Variants in ITGA2 observed in about 807,000 individuals in gnomAD.
ITGA2 encodes integrin alpha-2.
Under a neutral mutation model 146.3 loss-of-function variants are expected in ITGA2, and 101 were observed. The observed-to-expected ratio is 0.69, with a 90% confidence interval of 0.59 to 0.81. ITGA2 has a LOEUF of 0.81. Among genes scored for constraint, ITGA2 ranks in the 40% least tolerant of loss-of-function variants. The pLI is 0.00. For missense variants in ITGA2, 1,281 were observed against 1,402.7 expected (o/e 0.91, Z 1.39); for synonymous variants, 477 against 487.1 (o/e 0.98, Z 0.27).
chr5:53,048,173 G>A (rs1223630331), intron 4 of ITGA2, among the ~76,000 whole-genome samples, 190 bp from the exon 5 acceptor site: 1 of 152,166 alleles, frequency 6.6e-6, no homozygotes, highest in Non-Finnish European at 1.5e-5. Flanking sequence ...TTGCCACTGG[G>A]CACAGAGCAC....
chr5:53,070,009 G>T, intron 16 of ITGA2, 100 bp from the exon 17 acceptor site: 1 of 924,262 alleles, frequency 1.1e-6, no homozygotes, highest in Non-Finnish European at 1.7e-6. Context: ...ATATTTTCTT[G>T]ATGTGAGATA....
intron 1 of ITGA2, among the ~76,000 whole-genome samples, chr5:53,011,903 A>G (rs1742151561): frequency 6.6e-6 from 1 of 152,190 alleles, no homozygotes; most frequent in Non-Finnish European, 1.5e-5. Context: ...ACAAAGTGGA[A>G]GAATTTGCCA....
intron 16 of ITGA2, among the ~76,000 whole-genome samples, chr5:53,067,586 G>A (rs1026144932): frequency 6.6e-6 from 1 of 151,804 alleles, no homozygotes; most frequent in Non-Finnish European, 1.5e-5. Context: ...ATGCTGAACT[G>A]CCACTCAAAT....
intron 1 of ITGA2, among the ~76,000 whole-genome samples, chr5:53,009,946 C>T (rs1314568136): frequency 6.6e-6 from 1 of 152,150 alleles, no homozygotes; most frequent in African/African-American, 2.4e-5. Context: ...TTGTTGGCCA[C>T]CCAGTCTATG....
At chr5:53,046,866 C>G (rs926196661) in intron 4 of ITGA2, among the ~76,000 whole-genome samples, 11 of 152,014 alleles carry the variant, frequency 7.2e-5, no homozygotes, top group Non-Finnish European at 1.5e-4. Flanking sequence ...CTGGCACTTA[C>G]AATTGGCATA....
chr5:53,073,990 A>G (rs1446977178), intron 20 of ITGA2, among the ~76,000 whole-genome samples: 1 of 151,476 alleles, frequency 6.6e-6, no homozygotes, highest in African/African-American at 2.4e-5. Context: ...TAAAATACAG[A>G]CAAACACCAA....
intron 1 of ITGA2, among the ~76,000 whole-genome samples, chr5:52,995,198 G>A (rs1356225681): frequency 6.6e-6 from 1 of 152,194 alleles, no homozygotes; most frequent in African/African-American, 2.4e-5. Context: ...GAAGGGCCTT[G>A]TAAGTCATGA....
chr5:53,072,574 C>T, intron 18 of ITGA2, 39 bp from the exon 19 acceptor site: 1 of 1,511,678 alleles, frequency 6.6e-7, no homozygotes. Context: ...CTTTTTCAAC[C>T]CAAGAGCAAA....
chr5:53,030,417 C>A (rs1743169720), intron 2 of ITGA2, among the ~76,000 whole-genome samples: 1 of 152,158 alleles, frequency 6.6e-6, no homozygotes, highest in Non-Finnish European at 1.5e-5. Context: ...CAGTATAGAG[C>A]TTTCTGGCAA....
At chr5:53,008,729 GATTT>G (rs1741977777) in intron 1 of ITGA2, among the ~76,000 whole-genome samples, 1 of 152,014 alleles carries the variant, frequency 6.6e-6, no homozygotes, top group African/African-American at 2.4e-5. Context: ...GCCCTCTCAA[GATTT>G]CCGTGAACTC....
In ITGA2 at chr5:53,061,253, G is replaced by A. The variant is rs147538939; in HGVS notation, c.1458+207G>A. Reference sequence around the variant, plus strand: ...CTTTTGACAACTTACTGGGAATTTAGCTAGCTTTCTAAGGTCACACAGCGT... The same window carrying A: ...CTTTTGACAACTTACTGGGAATTTAACTAGCTTTCTAAGGTCACACAGCGT... On this transcript the variant is annotated intron_variant, in intron 12 of 29. Transcript: ENST00000296585. 2.0e-5 allele frequency among the ~76,000 whole-genome samples: 3 copies of A among 151,946 alleles called. 1 individual carries two copies. Among genetic ancestry groups the A allele is most frequent in the Non-Finnish European group, 4.4e-5 (3 of 67,872 alleles).
At chr5:53,086,479 ACCTTTTAAATGTTGGTTTT>A (rs1746162683) in intron 27 of ITGA2, among the ~76,000 whole-genome samples, 1 of 152,186 alleles carries the variant, frequency 6.6e-6, no homozygotes. Flanking sequence ...AAGTTCTCTT[ACCTTTTAAATGTTGGTTTT>A]CCATTCCATT....
At chr5:53,021,218 G>T (rs1579809304) in intron 1 of ITGA2, among the ~76,000 whole-genome samples, 1 of 151,718 alleles carries the variant, frequency 6.6e-6, no homozygotes, top group African/African-American at 2.4e-5. Context: ...GCTACCATTT[G>T]CATATTCACG....
chr5:52,995,209 T>A (rs1240408979), intron 1 of ITGA2, among the ~76,000 whole-genome samples: 1 of 152,150 alleles, frequency 6.6e-6, no homozygotes, highest in Non-Finnish European at 1.5e-5. Context: ...TAAGTCATGA[T>A]ATAGAGCAGG....
Position 53,074,405 on chromosome 5 carries a change from A to G in ITGA2, c.2592A>G (p.Thr864=). ...FSLPVDGTEV[T]CQVAASQKSV... ...TTCAGGTTGATGGGACAGAAGTAAC[A>G]TGCCAGGTGGCTGCATCTCAGAAGT... The change falls in exon 21 of 30, where the codon ACA becomes ACG. Residue 864 remains threonine, a synonymous_variant. Transcript: ENST00000296585. 1 of 1,612,418 alleles carries G rather than the reference A, an allele frequency of 6.2e-7. No individual in the cohort carries two copies. Among genetic ancestry groups the G allele is most frequent in the Non-Finnish European group, 8.5e-7 (1 of 1,178,940 alleles).
At position 53,048,688 on chromosome 5, in the gene ITGA2, A is replaced by G. The variant is rs1375522063; in HGVS notation, c.548A>G (p.Asn183Ser). Reference sequence around the variant, plus strand: ...GTTGTGGTTGTGTGTGATGAATCAAATAGTATTTATCCTTGGGATGCAGTA... The same window carrying G: ...GTTGTGGTTGTGTGTGATGAATCAAGTAGTATTTATCCTTGGGATGCAGTA... ...IDVVVVCDES[N>S]SIYPWDAVKN... Residue 183 changes from asparagine to serine, a missense_variant, in exon 6 of 30, where the codon AAT becomes AGT. This residue lies in a region of ITGA2 where 795 missense variants were observed against 841.7 expected (regional missense o/e 0.94). Coordinates refer to ENST00000296585, the MANE Select transcript of ITGA2 (RefSeq NM_002203.4). 4 of 1,614,048 alleles carry G rather than the reference A, an allele frequency of 2.5e-6. No homozygotes were observed. Among genetic ancestry groups the G allele is most frequent in the Non-Finnish European group, 3.4e-6 (4 of 1,179,956 alleles).
chr5:53,079,576 C>T (rs1467348062), intron 24 of ITGA2, among the ~76,000 whole-genome samples: 1 of 152,072 alleles, frequency 6.6e-6, no homozygotes, highest in Non-Finnish European at 1.5e-5. Context: ...CTATCCTAAG[C>T]CAATACCATT....
intron 21 of ITGA2, 84 bp downstream of exon 21, chr5:53,074,561 T>C: frequency 1.9e-6 from 2 of 1,062,138 alleles, no homozygotes; most frequent in Non-Finnish European, 2.9e-6. Flanking sequence ...CTTGCTATCA[T>C]GATTTGATAG....
intron 1 of ITGA2, among the ~76,000 whole-genome samples, chr5:53,006,605 A>T (rs1177984880): frequency 6.6e-6 from 1 of 152,200 alleles, no homozygotes; most frequent in Admixed American, 6.5e-5. Context: ...AGTAATTATT[A>T]TTGAACCACG....
Sources: allele counts gnomAD v4.1 joint callset (sites outside exome capture counted in the v4.1 genomes callset), GRCh38; gene constraint gnomAD v4.1.1; regional missense constraint gnomAD v4.1.1; transcripts MANE v1.5; gene names NCBI Gene and HGNC (gene_info 2026-07-23, HGNC 2026-07-21).